CCDC137: variants seen among roughly 807,000 people sequenced by gnomAD.
CCDC137 encodes coiled-coil domain containing 137.
A neutral mutation model predicts 30.4 loss-of-function variants in CCDC137; 24 were observed. The ratio of observed to expected loss-of-function variants is 0.79; its 90% confidence interval spans 0.57 to 1.11. The LOEUF (loss-of-function observed/expected upper bound fraction) is 1.11. CCDC137 is among the 50% of genes least tolerant of loss of function. The pLI is 0.00. For missense variants in CCDC137, 417 were observed against 380.4 expected, an observed-to-expected ratio of 1.10 and a Z score of -0.80; for synonymous variants, 182 against 155.7, an observed-to-expected ratio of 1.17 and a Z score of -1.26.
At position 81,672,810 on chromosome 17, in the gene CCDC137, C is replaced by A; in HGVS notation, c.*106C>A. ...CCATGCCAGCAGTGTGGGGTGAGGC[C>A]TCCAGCTACTTGTTCACACGTTGGG... On this transcript the variant is annotated 3_prime_UTR_variant, in exon 6 of 6. Transcript: ENST00000329214. The A allele has an allele frequency of 9.4e-7, 1 of 1,064,022 alleles. No homozygotes were observed. The allele number at this position is 1,064,022 out of a possible 1,614,324, so 65.9% of individuals were successfully genotyped here. A position where few individuals can be genotyped will look rare whatever the true frequency, so the allele number is the denominator to read the frequency against.
chr17:81,669,626 C>T (rs1444093678), intron 2 of CCDC137, among the ~76,000 whole-genome samples: 1 of 151,210 alleles, frequency 6.6e-6, no homozygotes, highest in South Asian at 2.1e-4. Flanking sequence ...GTGGCGCAAT[C>T]TCGGCTCACT....
chr17:81,671,859 G>T, intron 4 of CCDC137, 33 bp downstream of exon 4: 1 of 1,609,504 alleles, frequency 6.2e-7, no homozygotes, highest in Non-Finnish European at 8.5e-7. Context: ...TGTCAGCAGT[G>T]GTCCGGGTGG....
At chr17:81,672,452 C>T (rs1315609497) in intron 5 of CCDC137, 43 bp from the exon 6 acceptor site, 2 of 1,527,314 alleles carry the variant, frequency 1.3e-6, no homozygotes, top group Non-Finnish European at 8.8e-7. Flanking sequence ...GTTGCATCCC[C>T]TCCTTTCCCA....
Position 81,672,107 on chromosome 17 carries a change from G to GC in CCDC137, c.617dup (p.Glu207ArgfsTer107), listed in dbSNP as rs779482910. The GC allele has an allele frequency of 3.1e-6, 5 of 1,614,114 alleles. No homozygotes were observed. Among genetic ancestry groups the GC allele is most frequent in the Non-Finnish European group, 4.2e-6 (5 of 1,180,000 alleles). On this transcript the variant is annotated frameshift_variant, in exon 5 of 6. Coordinates refer to ENST00000329214, the MANE Select transcript of CCDC137 (RefSeq NM_199287.3). LOFTEE classifies it low-confidence loss of function (END_TRUNC). ...TGAAGTTTGGTGAGGTTGTCCTGCA[G>GC]CCCCCAGAGCTGACTGCCAGGCCCC...
Position 81,672,804 on chromosome 17 carries a change from T to A in CCDC137, c.*100T>A. On this transcript the variant is annotated 3_prime_UTR_variant, in exon 6 of 6. Coordinates refer to ENST00000329214, the MANE Select transcript of CCDC137 (RefSeq NM_199287.3). ...GGCAGGCCATGCCAGCAGTGTGGGG[T>A]GAGGCCTCCAGCTACTTGTTCACAC... 1 of 1,144,276 alleles carries A rather than the reference T, an allele frequency of 8.7e-7. No individual in the cohort carries two copies. The highest frequency in any genetic ancestry group is 1.2e-6 in the Non-Finnish European group (1 of 824,234). The allele number at this position is 1,144,276 out of a possible 1,614,324, so 70.9% of individuals were successfully genotyped here.
intron 1 of CCDC137, 173 bp downstream of exon 1, chr17:81,667,073 A>C: frequency 1.6e-6 from 1 of 637,220 alleles, no homozygotes; most frequent in Non-Finnish European, 2.2e-6. Context: ...GGTTGAATGA[A>C]TGGAGGCGCG....
chr17:81,667,761 A>T lies in CCDC137; in HGVS notation c.167A>T (p.Lys56Met), dbSNP rs1439044875. 6.2e-7 allele frequency: 1 copy of T among 1,613,822 alleles called. No homozygotes were observed. Among genetic ancestry groups the T allele is most frequent in the East Asian group, 2.2e-5 (1 of 44,878 alleles). Reference protein sequence around the residue: ...KEKKKVNCKPKNQDEQEIPFR... With the variant: ...KEKKKVNCKPMNQDEQEIPFR... ...AAGAAGAAAGTGAACTGCAAGCCCA[A>T]GAACCAGGACGAACAGGAGATTCCT... Residue 56 changes from lysine to methionine, a missense_variant, in exon 2 of 6, where the codon AAG (lysine) becomes ATG (methionine). Physicochemically the swap from Lys to Met is moderately conservative, Grantham distance 95. Transcript: ENST00000329214.
intron 2 of CCDC137, among the ~76,000 whole-genome samples, chr17:81,669,018 T>C (rs1176657584): frequency 6.6e-6 from 1 of 151,936 alleles, no homozygotes; most frequent in Non-Finnish European, 1.5e-5. Flanking sequence ...GCCTCCCGAG[T>C]AGCTGAGATT....
intron 3 of CCDC137, 66 bp from the exon 4 acceptor site, chr17:81,671,678 C>T (rs1297225408): frequency 2.0e-6 from 3 of 1,534,056 alleles, no homozygotes; most frequent in South Asian, 1.1e-5. Flanking sequence ...GGTGGGGCGG[C>T]CTCTGCCTCC....
rs1180492672 is a variant in CCDC137 at position 81,670,374 on chromosome 17, A to C, written c.418A>C (p.Ser140Arg). The C allele has an allele frequency of 8.7e-6, 14 of 1,613,844 alleles. No individual in the cohort carries two copies. Among genetic ancestry groups the C allele is most frequent in the Non-Finnish European group, 1.2e-5 (14 of 1,180,002 alleles). ...AGAGGCCCAGCATGTGCTGTTCCTC[A>C]GCAAGAACCAGGCCATCCGGCAGCC... is the stretch of plus-strand genomic sequence containing the variant. ...QQEAQHVLFLSKNQAIRQPEV... is the reference protein window; with the variant it reads ...QQEAQHVLFLRKNQAIRQPEV... Residue 140 changes from serine to arginine, a missense_variant, in exon 3 of 6, where the codon AGC becomes CGC. Ser to Arg is a moderately radical substitution (Grantham distance 110). Coordinates refer to ENST00000329214, the MANE Select transcript of CCDC137 (RefSeq NM_199287.3).
rs773883168 is a variant in CCDC137, at chr17:81,670,495, G to C, written c.497+42G>C. ...GGGGGAGGGGTCTGCCCTGGGAGCC[G>C]GAGGGAAGACATTGGGTTCCCATGA... On this transcript the variant is annotated intron_variant, in intron 3 of 5. Coordinates refer to ENST00000329214, the MANE Select transcript of CCDC137 (RefSeq NM_199287.3). The C allele has an allele frequency of 1.9e-6, 3 of 1,543,004 alleles. No individual in the cohort carries two copies. The East Asian group carries it at 6.8e-5, about 35-fold the overall frequency.
chr17:81,669,654 G>T (rs984383410), intron 2 of CCDC137, among the ~76,000 whole-genome samples: 2 of 151,748 alleles, frequency 1.3e-5, no homozygotes, highest in African/African-American at 4.8e-5. Context: ...CCGCCTCCCG[G>T]GTTCACGCCA....
chr17:81,666,915 C>A lies in CCDC137; in HGVS notation c.134+15C>A. ...GGGCTTCGCAGGTGACTGCGCTGCC[C>A]CGCGAGGCCGCCACACTTCCCCAGA... On this transcript the variant is annotated intron_variant, in intron 1 of 5. Transcript: ENST00000329214. 8.0e-7 allele frequency: 1 copy of A among 1,254,966 alleles called. No individual in the cohort carries two copies. The highest frequency in any genetic ancestry group is 3.0e-5 in the South Asian group (1 of 33,142). The allele number at this position is 1,254,966 out of a possible 1,614,324, so 77.7% of individuals were successfully genotyped here. A position where few individuals can be genotyped will look rare whatever the true frequency, so the allele number is the denominator to read the frequency against.
rs1439673877 is a variant in CCDC137, at chr17:81,672,790, C to G, written c.*86C>G. ...CTGGGTAGGAGAGAGGCAGGCCATG[C>G]CAGCAGTGTGGGGTGAGGCCTCCAG... On this transcript the variant is annotated 3_prime_UTR_variant, in exon 6 of 6. Transcript: ENST00000329214. 8.5e-6 allele frequency: 11 copies of G among 1,301,684 alleles called. No homozygotes were observed. Among genetic ancestry groups the G allele is most frequent in the Non-Finnish European group, 1.1e-5 (11 of 959,952 alleles). The allele number at this position is 1,301,684 out of a possible 1,614,324, so 80.6% of individuals were successfully genotyped here. A position where few individuals can be genotyped will look rare whatever the true frequency, so the allele number is the denominator to read the frequency against.
At chr17:81,671,665 G>T in intron 3 of CCDC137, 79 bp from the exon 4 acceptor site, 4 of 1,436,014 alleles carry the variant, frequency 2.8e-6, no homozygotes, top group South Asian at 2.3e-5. Context: ...GGGATCCCTT[G>T]TGGGTGGGGC....
In CCDC137 at chr17:81,673,506, C is replaced by G. The variant is rs2036747504; in HGVS notation, c.*802C>G. The G allele has an allele frequency of 6.6e-6, 1 of 152,280 alleles. No individual in the cohort carries two copies. Among genetic ancestry groups the G allele is most frequent in the South Asian group, 2.1e-4 (1 of 4,832 alleles). 9.4% of individuals were successfully genotyped at this position (152,280 alleles called of 1,614,324 possible). ...GGTAAAGGAAAAATCCTGTCTTGGG[C>G]TCAAGGTCACAGAGTGGGGCCCAGG... On this transcript the variant is annotated 3_prime_UTR_variant, in exon 6 of 6. Transcript: ENST00000329214.
At chr17:81,669,365 C>T (rs1316279698) in intron 2 of CCDC137, among the ~76,000 whole-genome samples, 1 of 149,340 alleles carries the variant, frequency 6.7e-6, no homozygotes, top group East Asian at 2.0e-4. Flanking sequence ...AGTCTGGTTT[C>T]GAACTCTGGC....
At position 81,672,502 on chromosome 17, in the gene CCDC137, G is replaced by A; in HGVS notation, c.668G>A (p.Arg223Lys). The change falls in exon 6 of 6, where the codon AGG becomes AAG. Residue 223 changes from arginine (R) to lysine (K), a missense_variant. Physicochemically the swap from Arg to Lys is conservative, Grantham distance 26. Coordinates refer to ENST00000329214, the MANE Select transcript of CCDC137 (RefSeq NM_199287.3). Reference protein sequence around the residue: ...QRSVSKDQPGRRSQMLRMLLS... With the variant: ...QRSVSKDQPGKRSQMLRMLLS... ...CTCCCCTCTCTCCCTCAGCCTGGCA[G>A]GAGATCGCAGATGCTGCGGATGCTT... The A allele has an allele frequency of 2.6e-6, 4 of 1,557,820 alleles. No individual in the cohort carries two copies. Among genetic ancestry groups the A allele is most frequent in the Non-Finnish European group, 2.6e-6 (3 of 1,150,876 alleles).
rs1288022240 is a variant in CCDC137, at chr17:81,672,236, G to A, written c.660+81G>A. On this transcript the variant is annotated intron_variant, in intron 5 of 5. Transcript: ENST00000329214. ...AAGCCTTGGACAGGCTGGACACGGT[G>A]GGTCACACCTGTAATCCCAGCACAT... 1.1e-5 allele frequency: 15 copies of A among 1,413,144 alleles called. No individual in the cohort carries two copies. The East Asian group carries it at 2.8e-4, about 27-fold the overall frequency. 87.5% of individuals were successfully genotyped at this position (1,413,144 alleles called of 1,614,324 possible).
Sources: allele counts gnomAD v4.1 joint callset (sites outside exome capture counted in the v4.1 genomes callset), GRCh38; gene constraint gnomAD v4.1.1; transcripts MANE v1.5; gene names NCBI Gene and HGNC (gene_info 2026-07-23, HGNC 2026-07-21).